GGT1: variants seen among roughly 807,000 people sequenced by gnomAD.
GGT1 encodes the protein glutathione hydrolase 1 proenzyme.
A neutral mutation model predicts 56.0 loss-of-function variants in GGT1; 21 were observed. The observed-to-expected ratio is 0.38, with a 90% CI of 0.27 to 0.54. The LOEUF (loss-of-function observed/expected upper bound fraction) is 0.54, where lower values mean the gene tolerates loss of function less well. GGT1 is among the 20% of genes least tolerant of loss of function. GGT1 has a pLI of 0.82. For synonymous variants in GGT1, 238 were observed against 342.6 expected, an observed-to-expected ratio of 0.69 and a Z score of 3.37; for missense variants, 466 against 787.0, an observed-to-expected ratio of 0.59 and a Z score of 4.88.
rs2046605929 is a variant in GGT1, at chr22:24,610,830, C to A, written c.-7-245C>A. Among the ~76,000 whole-genome samples, 10 of 150,232 alleles carry A rather than the reference C, an allele frequency of 6.7e-5. No individual in the cohort carries two copies. In the South Asian group the frequency reaches 2.1e-3, roughly 32 times the overall value. On this transcript the variant is annotated intron_variant, in intron 4 of 15. Transcript: ENST00000400382. ...CCGCTGCTGGAGATGGGGTTCTTAC[C>A]AGGATGGGCTCTGAAGATAAGCAGG...
At chr22:24,616,575 C>T (rs1310201300) in intron 7 of GGT1, among the ~76,000 whole-genome samples, 2 of 148,212 alleles carry the variant, frequency 1.3e-5, no homozygotes, top group African/African-American at 5.0e-5. Flanking sequence ...TTTTGTCACC[C>T]AGACTGTCGC....
At chr22:24,613,917 GT>G (rs58087411) in intron 5 of GGT1, among the ~76,000 whole-genome samples, 4,506 of 152,178 alleles carry the variant, frequency 0.03, 191 homozygotes, top group African/African-American at 0.1. Context: ...AGGTGTGGTG[GT>G]TCTTACCTGT....
intron 5 of GGT1, among the ~76,000 whole-genome samples, chr22:24,613,841 T>A (rs1185006676): frequency 6.6e-6 from 1 of 151,280 alleles, no homozygotes; most frequent in African/African-American, 2.4e-5. Context: ...CTTTAGACCA[T>A]GAGTTCGAGA....
In GGT1 at chr22:24,610,377, G is replaced by A. The variant is rs2147316312; in HGVS notation, c.-162G>A. The A allele has an allele frequency of 4.9e-6, 1 of 206,062 alleles. No individual in the cohort carries two copies. The allele number at this position is 206,062 out of a possible 1,614,324, so 12.8% of individuals were successfully genotyped here. A position where few individuals can be genotyped will look rare whatever the true frequency, so the allele number is the denominator to read the frequency against. On this transcript the variant is annotated 5_prime_UTR_variant, in exon 4 of 16. Transcript: ENST00000400382. ...CTTCAGGAGAACGAGAAGGCTGCCT[G>A]ATCAGAGAGTCCCTGAAGAAGATTC...
At chr22:24,625,253 G>T (rs1462247261) in intron 11 of GGT1, among the ~76,000 whole-genome samples, 1 of 152,144 alleles carries the variant, frequency 6.6e-6, no homozygotes. Context: ...TTTACCTACA[G>T]TAGGCTCCCT....
chr22:24,616,825 G>A (rs1263295065), intron 7 of GGT1, among the ~76,000 whole-genome samples: 3 of 152,050 alleles, frequency 2.0e-5, no homozygotes, highest in Non-Finnish European at 2.9e-5. Context: ...AATTACAGGC[G>A]TGAGCCACTG....
chr22:24,592,309 G>A (rs531035900), upstream of GGT1: 1 of 469,828 alleles, frequency 2.1e-6, no homozygotes, highest in Non-Finnish European at 4.4e-6. Flanking sequence ...GCCGCCTGTT[G>A]GAGAACTGGT....
At chr22:24,624,436 C>T (rs1301622902) in intron 11 of GGT1, 1 of 983,538 alleles carries the variant, frequency 1.0e-6, no homozygotes, top group African/African-American at 1.8e-5. Context: ...CCCTCCTTAC[C>T]TACTTGGGTC....
intron 1 of GGT1, chr22:24,598,023 A>G (rs967095415): frequency 2.6e-5 from 4 of 152,222 alleles, no homozygotes; most frequent in Non-Finnish European, 5.9e-5. Flanking sequence ...AATTTGCTAG[A>G]GTAGCTCACA....
intron 7 of GGT1, among the ~76,000 whole-genome samples, chr22:24,616,554 C>CTTTTTTTTTTTT (rs113675142): frequency 7.6e-6 from 1 of 131,994 alleles, no homozygotes; most frequent in African/African-American, 2.8e-5. Context: ...TTTTTTTTTT[C>CTTTTTTTTTTTT]TTTTTTTTTT....
chr22:24,609,937 C>T (rs1177268619), intron 2 of GGT1, 28 bp from the exon 3 acceptor site: 8 of 463,010 alleles, frequency 1.7e-5, no homozygotes, highest in African/African-American at 4.0e-5. Context: ...CACAGTCTAA[C>T]CTACTCTATT....
At chr22:24,623,334 C>G (rs1601750389) in intron 10 of GGT1, 78 bp downstream of exon 10, 2 of 1,404,212 alleles carry the variant, frequency 1.4e-6, no homozygotes, top group African/African-American at 1.5e-5. Flanking sequence ...CCTCCTGCAT[C>G]TCTGCTCGCC....
rs1343427006 is a variant in GGT1 at position 24,620,349 on chromosome 22, C to T, written c.404C>T (p.Pro135Leu). ...CCAGGGGGGCTGTCGGTGGCGGTGC[C>T]TGGGGAGATCCGAGGCTATGAGCTG... is the stretch of plus-strand genomic sequence containing the variant. ...SQKGGLSVAV[P>L]GEIRGYELAH... Residue 135 changes from proline to leucine, a missense_variant, in exon 8 of 16, where the codon CCT (proline) becomes CTT (leucine). By Grantham distance (98) the Pro-to-Leu change is moderately conservative. Around this residue, in one of 2 missense-constraint regions of GGT1, gnomAD observed 456 missense variants for 716.7 expected, o/e 0.64. Transcript: ENST00000400382. The surrounding 1 kb of genome is among the most constrained non-coding windows in gnomAD (Gnocchi z 5.6). 1 of 1,611,748 alleles carries T rather than the reference C, an allele frequency of 6.2e-7. No individual in the cohort carries two copies. The highest frequency in any genetic ancestry group is 1.1e-5 in the South Asian group (1 of 90,974).
the GGT1 span, among the ~76,000 whole-genome samples, chr22:24,586,593 A>G: frequency 6.6e-6 from 1 of 152,242 alleles, no homozygotes; most frequent in African/African-American, 2.4e-5. Context: ...GTGCAGTGGC[A>G]CAATCTCGGC....
rs1472858827 is a variant in GGT1, at chr22:24,620,439, G to A, written c.494G>A (p.Arg165His). ...TTCCAGCCCAGCATCCAGCTGGCCC[G>A]CCAGGGCTTCCCCGTGGGCAAGGGC... is the stretch of plus-strand genomic sequence containing the variant. Reference protein sequence around the residue: ...RLFQPSIQLARQGFPVGKGLA... With the variant: ...RLFQPSIQLAHQGFPVGKGLA... The change falls in exon 8 of 16, where the codon CGC becomes CAC. Residue 165 changes from arginine (R) to histidine (H), a missense_variant. Arg to His is a conservative substitution (Grantham distance 29, BLOSUM62 0). Coordinates refer to ENST00000400382, the MANE Select transcript of GGT1 (RefSeq NM_001288833.2). The surrounding 1 kb of genome is among the most constrained non-coding windows in gnomAD (Gnocchi z 5.6). The A allele has an allele frequency of 3.1e-6, 5 of 1,611,586 alleles. No individual in the cohort carries two copies. Among genetic ancestry groups the A allele is most frequent in the Admixed American group, 1.7e-5 (1 of 59,984 alleles).
upstream of GGT1, chr22:24,593,005 T>A: frequency 2.7e-6 from 3 of 1,123,496 alleles, no homozygotes; most frequent in Non-Finnish European, 3.3e-6. Context: ...AGAGCCAGCC[T>A]CGGGCCCGGC....
chr22:24,611,542 TCATCTATC>T (rs1198710952), intron 5 of GGT1, among the ~76,000 whole-genome samples: 1 of 38,134 alleles, frequency 2.6e-5, no homozygotes, highest in Non-Finnish European at 5.0e-5. Flanking sequence ...TATCTATCTA[TCATCTATC>T]TATCTATCTA....
intron 6 of GGT1, 26 bp from the exon 7 acceptor site, chr22:24,615,015 G>GGGGGC: frequency 1.0e-6 from 1 of 969,918 alleles, no homozygotes. Context: ...GGGTGGGCGG[G>GGGGGC]CCTGCCTACC....
chr22:24,627,317 G>A lies in GGT1; in HGVS notation c.1021-115G>A, dbSNP rs1030775727. 4.1e-5 allele frequency: 56 copies of A among 1,352,134 alleles called. No individual in the cohort carries two copies. The African/African-American group carries it at 7.7e-4, about 19-fold the overall frequency. 83.8% of individuals were successfully genotyped at this position (1,352,134 alleles called of 1,614,324 possible). On this transcript the variant is annotated intron_variant, in intron 11 of 15. Transcript: ENST00000400382. Reference sequence around the variant, plus strand: ...CCTTGGGTCCTGGGGAGCCACGGAAGGTTGTGGGTGCCAGAGGGTTGCGGT... The same window carrying A: ...CCTTGGGTCCTGGGGAGCCACGGAAAGTTGTGGGTGCCAGAGGGTTGCGGT...
Sources: gnomAD v4.1 joint callset for allele counts (sites outside exome capture counted in the v4.1 genomes callset) on GRCh38, gnomAD v4.1.1 for gene constraint, gnomAD v4.1.1 regional missense constraint, Gnocchi (gnomAD v3.1) non-coding constraint, MANE v1.5 for transcripts, NCBI Gene and HGNC (gene_info 2026-07-23, HGNC 2026-07-21) for gene names.